COL22A1: variants seen among roughly 807,000 people sequenced by gnomAD.
COL22A1 encodes the protein collagen type XXII alpha 1 chain.
A neutral mutation model predicts 248.9 loss-of-function variants in COL22A1; 221 were observed. That is an observed-to-expected ratio of 0.89 (90% CI 0.80 to 0.99). COL22A1 has a LOEUF of 0.99. Among genes scored for constraint, COL22A1 ranks in the 50% least tolerant of loss-of-function variants. The pLI is 0.00. For synonymous variants in COL22A1, 891 were observed against 793.4 expected, an observed-to-expected ratio of 1.12 and a Z score of -2.07; for missense variants, 2,240 against 2,179.0, an observed-to-expected ratio of 1.03 and a Z score of -0.56.
At chr8:138,704,718 G>GGAATTCTAAAAATCAGAGCGCCTCT (rs1828266056) in intron 30 of COL22A1, among the ~76,000 whole-genome samples, 4 of 152,002 alleles carry the variant, frequency 2.6e-5, no homozygotes, top group Non-Finnish European at 5.9e-5. Flanking sequence ...AGAGCGCCTC[G>GGAATTCTAAAAATCAGAGCGCCTCT]CCTCCTCCAA....
rs756272897 is a variant in COL22A1 at position 138,591,435 on chromosome 8, G to C, written c.4682C>G (p.Pro1561Arg). ...GVGLRGEMGPPGIPGQPGEPG... is the reference protein window; with the variant it reads ...GVGLRGEMGPRGIPGQPGEPG... Reference sequence around the variant, plus strand: ...AGAATGAGTCATACCTGGGATTCCAGGGGGTCCCATCTCGCCTCGGAGGCC... The same window carrying C: ...AGAATGAGTCATACCTGGGATTCCACGGGGTCCCATCTCGCCTCGGAGGCC... The change falls in exon 64 of 65, where the codon CCT (proline) becomes CGT (arginine). Residue 1561 changes from proline (P) to arginine (R), a missense_variant. Transcript: ENST00000303045. The C allele has an allele frequency of 1.3e-6, 2 of 1,579,666 alleles. No homozygotes were observed. Among genetic ancestry groups the C allele is most frequent in the African/African-American group, 1.4e-5 (1 of 73,580 alleles).
intron 44 of COL22A1, among the ~76,000 whole-genome samples, chr8:138,658,651 T>C (rs1017581588): frequency 1.3e-5 from 2 of 152,212 alleles, no homozygotes; most frequent in African/African-American, 2.4e-5. Flanking sequence ...CTTTTTCCTC[T>C]GCTGATTTTA....
intron 5 of COL22A1, among the ~76,000 whole-genome samples, chr8:138,829,156 A>C (rs1485767586): frequency 5.3e-5 from 8 of 152,290 alleles, no homozygotes; most frequent in East Asian, 3.9e-4. Context: ...ATGACAGCCC[A>C]GTTGTTCAAA....
chr8:138,802,689 A>T (rs1350912958), intron 11 of COL22A1, among the ~76,000 whole-genome samples, 183 bp downstream of exon 11: 1 of 152,158 alleles, frequency 6.6e-6, no homozygotes, highest in East Asian at 1.9e-4. Flanking sequence ...CCAAGACCAT[A>T]TTCAGCAGGC....
chr8:138,695,633 A>G (rs1827445300), intron 32 of COL22A1, among the ~76,000 whole-genome samples: 1 of 152,106 alleles, frequency 6.6e-6, no homozygotes, highest in Non-Finnish European at 1.5e-5. Context: ...TGCTGAAGAA[A>G]GGATGAGACA....
Position 138,883,163 on chromosome 8 carries a change from G to C in COL22A1, c.10C>G (p.Leu4Val), listed in dbSNP as rs201768836. 237 of 1,589,252 alleles carry C rather than the reference G, an allele frequency of 1.5e-4. No homozygotes were observed. The Middle Eastern group carries it at 1.8e-3, about 12-fold the overall frequency. Reference sequence around the variant, plus strand: ...AGGCCAGCCACAGCGTTCCCTCGGAGGCCGGCCATGGCTCTCCTGTTCTTG... The same window carrying C: ...AGGCCAGCCACAGCGTTCCCTCGGACGCCGGCCATGGCTCTCCTGTTCTTG... MAG[L>V]RGNAVAGLLW... Residue 4 changes from leucine (L) to valine (V), a missense_variant, in exon 2 of 65, where the codon CTC becomes GTC. Physicochemically the swap from Leu to Val is conservative, Grantham distance 32. Transcript: ENST00000303045.
intron 1 of COL22A1, among the ~76,000 whole-genome samples, chr8:138,892,123 G>A (rs574509037): frequency 1.3e-5 from 2 of 152,216 alleles, no homozygotes; most frequent in South Asian, 4.2e-4. Flanking sequence ...ATTTGGTTTT[G>A]GTATTAGGGC....
chr8:138,860,974 C>A (rs2131955527), intron 3 of COL22A1, among the ~76,000 whole-genome samples: 1 of 152,246 alleles, frequency 6.6e-6, no homozygotes, highest in Admixed American at 6.5e-5. Context: ...CCCTCCATCT[C>A]CACTGCCTCC....
chr8:138,591,598 C>A (rs1364972796), intron 63 of COL22A1, 97 bp from the exon 64 acceptor site: 15 of 913,206 alleles, frequency 1.6e-5, no homozygotes, highest in Non-Finnish European at 2.3e-5. Context: ...CAGCACTGGG[C>A]TGCTGTGGCA....
At chr8:138,635,532 G>A (rs1424153813) in intron 48 of COL22A1, among the ~76,000 whole-genome samples, 1 of 152,040 alleles carries the variant, frequency 6.6e-6, no homozygotes, top group Non-Finnish European at 1.5e-5. Flanking sequence ...TCCATATTCT[G>A]GCAATATTAC....
At chr8:138,694,418 G>A in intron 34 of COL22A1, 90 bp downstream of exon 34, 2 of 1,318,926 alleles carry the variant, frequency 1.5e-6, no homozygotes, top group Non-Finnish European at 1.1e-6. Context: ...AATGCCAGGG[G>A]AGAGAACTGG....
intron 3 of COL22A1, among the ~76,000 whole-genome samples, chr8:138,856,019 T>C (rs956420699): frequency 3.9e-5 from 6 of 152,140 alleles, no homozygotes; most frequent in African/African-American, 1.4e-4. Context: ...TGGAAGGAGC[T>C]CAGAGCTGGA....
chr8:138,709,793 G>T (rs1172297705), intron 30 of COL22A1, among the ~76,000 whole-genome samples: 1 of 151,956 alleles, frequency 6.6e-6, no homozygotes, highest in African/African-American at 2.4e-5. Flanking sequence ...TAATAAAAAA[G>T]GTAATAAAGT....
chr8:138,882,440 A>G (rs1824288939), intron 2 of COL22A1, among the ~76,000 whole-genome samples: 1 of 148,294 alleles, frequency 6.7e-6, no homozygotes, highest in Non-Finnish European at 1.5e-5. Flanking sequence ...ACACTTCCTC[A>G]AACTCCCTCA....
chr8:138,756,065 AT>A (rs1317969247), intron 18 of COL22A1, among the ~76,000 whole-genome samples: 1 of 151,932 alleles, frequency 6.6e-6, no homozygotes, highest in East Asian at 1.9e-4. Context: ...CTTATTTTCT[AT>A]TTTGTGCACA....
Position 138,589,028 on chromosome 8 carries a change from A to C in COL22A1, c.*225T>G, listed in dbSNP as rs575147648. Reference sequence around the variant, plus strand: ...CATCAGCATATGAAATAATAATAATAATTAACAACAACAATAATATTAATA... The same window carrying C: ...CATCAGCATATGAAATAATAATAATCATTAACAACAACAATAATATTAATA... On this transcript the variant is annotated 3_prime_UTR_variant, in exon 65 of 65. Transcript: ENST00000303045. 1 of 456,360 alleles carries C rather than the reference A, an allele frequency of 2.2e-6. No homozygotes were observed. 28.3% of individuals were successfully genotyped at this position (456,360 alleles called of 1,614,324 possible). A position where few individuals can be genotyped will look rare whatever the true frequency, so the allele number is the denominator to read the frequency against.
rs1814426877 is a variant in COL22A1, at chr8:138,776,047, A to T, written c.1759-37T>A. Reference sequence around the variant, plus strand: ...AGAAAGAGCAGTGACCCAACATCTTAATCTGGCTTCTCTGTGCTCACCGTG... The same window carrying T: ...AGAAAGAGCAGTGACCCAACATCTTTATCTGGCTTCTCTGTGCTCACCGTG... On this transcript the variant is annotated intron_variant, in intron 15 of 64. Transcript: ENST00000303045. 5 of 1,610,256 alleles carry T rather than the reference A, an allele frequency of 3.1e-6. No homozygotes were observed. The African/African-American group carries it at 4.0e-5, about 13-fold the overall frequency.
Position 138,760,304 on chromosome 8 carries a change from A to T in COL22A1, c.1858-17T>A. 1 of 1,597,840 alleles carries T rather than the reference A, an allele frequency of 6.3e-7. No individual in the cohort carries two copies. The highest frequency in any genetic ancestry group is 8.5e-7 in the Non-Finnish European group (1 of 1,172,430). ...GGGCCTGCCCTGGAGGAAAGAAAGA[A>T]AAGGCAGATTATGATGGGCACTACG... On this transcript the variant is annotated splice_polypyrimidine_tract_variant and intron_variant, in intron 17 of 64. Coordinates refer to ENST00000303045, the MANE Select transcript of COL22A1 (RefSeq NM_152888.3).
rs1823881337 is a variant in COL22A1 at position 138,878,047 on chromosome 8, G to A, written c.361C>T (p.Leu121Phe). The change falls in exon 3 of 65, where the codon CTC (leucine) becomes TTC (phenylalanine). Residue 121 changes from leucine (L) to phenylalanine (F), a missense_variant. Coordinates refer to ENST00000303045, the MANE Select transcript of COL22A1 (RefSeq NM_152888.3). ...AAGCTGCGGGCCGTGATGTAGCGGA[G>A]CGCGTCTCCCGTGTTGGTGTTGCCC... ...HGGNTNTGDALRYITARSFSP... is the reference protein window; with the variant it reads ...HGGNTNTGDAFRYITARSFSP... 6.3e-7 allele frequency: 1 copy of A among 1,593,482 alleles called. No homozygotes were observed. Among genetic ancestry groups the A allele is most frequent in the South Asian group, 1.1e-5 (1 of 87,912 alleles).
Sources: gnomAD v4.1 joint callset for allele counts (sites outside exome capture counted in the v4.1 genomes callset) on GRCh38, gnomAD v4.1.1 for gene constraint, MANE v1.5 for transcripts, NCBI Gene and HGNC (gene_info 2026-07-23, HGNC 2026-07-21) for gene names.